GPC5: variants seen among roughly 807,000 people sequenced by gnomAD.
The protein encoded by GPC5 is glypican-5.
In GPC5, 47 loss-of-function variants were observed where a neutral mutation model predicts 53.9. The observed-to-expected ratio is 0.87, with a 90% CI of 0.69 to 1.11. GPC5 has a LOEUF of 1.11. GPC5 is among the 50% of genes most tolerant of loss of function. The pLI is 0.00. For missense variants in GPC5, 748 were observed against 713.1 expected (o/e 1.05, Z -0.56); for synonymous variants, 286 against 263.3 (o/e 1.09, Z -0.84).
intron 7 of GPC5, among the ~76,000 whole-genome samples, chr13:92,804,495 A>G (rs1047910394): frequency 6.6e-6 from 1 of 152,056 alleles, no homozygotes; most frequent in Non-Finnish European, 1.5e-5. Context: ...TGTCTAAAAA[A>G]CAATGCATAC....
At chr13:91,970,437 C>G (rs941657430) in intron 6 of GPC5, among the ~76,000 whole-genome samples, 3 of 151,754 alleles carry the variant, frequency 2.0e-5, no homozygotes, top group African/African-American at 7.3e-5. Flanking sequence ...ATTGCCCCCC[C>G]CTCACACATA....
chr13:91,726,387 G>A (rs1451019499), intron 3 of GPC5, among the ~76,000 whole-genome samples: 1 of 152,176 alleles, frequency 6.6e-6, no homozygotes, highest in Non-Finnish European at 1.5e-5. Context: ...GCGGCCTCAT[G>A]CATTTGCTAA....
intron 7 of GPC5, among the ~76,000 whole-genome samples, chr13:92,527,064 A>C (rs1272757796): frequency 6.8e-6 from 1 of 147,532 alleles, no homozygotes; most frequent in Non-Finnish European, 1.5e-5. Context: ...AAATATTTAA[A>C]CCTAAAGATC....
At chr13:92,606,853 T>C (rs976649705) in intron 7 of GPC5, among the ~76,000 whole-genome samples, 1 of 152,168 alleles carries the variant, frequency 6.6e-6, no homozygotes, top group Non-Finnish European at 1.5e-5. Flanking sequence ...CTAAGTCTGG[T>C]AGTACGGTAC....
intron 7 of GPC5, among the ~76,000 whole-genome samples, chr13:92,168,683 C>T (rs2042048502): frequency 6.6e-6 from 1 of 152,064 alleles, no homozygotes; most frequent in Non-Finnish European, 1.5e-5. Flanking sequence ...CAAGAAACAA[C>T]AGATGCTGGC....
intron 5 of GPC5, among the ~76,000 whole-genome samples, chr13:91,835,746 T>C (rs117928338): frequency 0.046 from 6,663 of 145,060 alleles, 173 homozygotes; most frequent in Middle Eastern, 0.066. Context: ...GGTTGGGGGG[T>C]GAGGGGAGGG....
At chr13:91,465,864 G>A (rs972819525) in intron 2 of GPC5, among the ~76,000 whole-genome samples, 42 of 152,164 alleles carry the variant, frequency 2.8e-4, no homozygotes, top group African/African-American at 1.0e-3. Context: ...GTCCATTCTA[G>A]TAGAAAGCAT....
intron 2 of GPC5, among the ~76,000 whole-genome samples, chr13:91,612,336 G>C (rs2033577601): frequency 2.0e-5 from 3 of 152,040 alleles, no homozygotes. Context: ...TCAGTGGTTG[G>C]GCAATGTTGC....
At chr13:91,974,041 G>T (rs1366716510) in intron 6 of GPC5, among the ~76,000 whole-genome samples, 1 of 152,152 alleles carries the variant, frequency 6.6e-6, no homozygotes, top group African/African-American at 2.4e-5. Context: ...GTCTGCAGAG[G>T]TTACTGCTGT....
At chr13:92,082,439 C>T (rs1231009782) in intron 6 of GPC5, among the ~76,000 whole-genome samples, 2 of 152,072 alleles carry the variant, frequency 1.3e-5, no homozygotes, top group Non-Finnish European at 2.9e-5. Flanking sequence ...GGAGTGACAG[C>T]CTTCAAGTGA....
chr13:92,799,040 T>A (rs1876805673), intron 7 of GPC5, among the ~76,000 whole-genome samples: 1 of 151,788 alleles, frequency 6.6e-6, no homozygotes, highest in Non-Finnish European at 1.5e-5. Flanking sequence ...TTCTTAGCAA[T>A]CTGTTTGAAT....
At chr13:91,562,804 C>G (rs543344816) in intron 2 of GPC5, among the ~76,000 whole-genome samples, 5 of 151,708 alleles carry the variant, frequency 3.3e-5, no homozygotes, top group African/African-American at 1.2e-4. Context: ...TAAAAATAAC[C>G]CAGAAACTTT....
chr13:92,329,011 T>A (rs1223524131), intron 7 of GPC5, among the ~76,000 whole-genome samples: 1 of 152,128 alleles, frequency 6.6e-6, no homozygotes, highest in Non-Finnish European at 1.5e-5. Flanking sequence ...CTCTACTGGC[T>A]TATGCCACAA....
intron 7 of GPC5, among the ~76,000 whole-genome samples, chr13:92,523,274 C>CA (rs1381344262): frequency 2.6e-5 from 4 of 152,020 alleles, no homozygotes; most frequent in African/African-American, 9.7e-5. Flanking sequence ...CAACAACAAA[C>CA]AAGTGTTCCA....
chr13:91,439,886 A>C (rs568116053), intron 1 of GPC5, among the ~76,000 whole-genome samples: 14 of 152,330 alleles, frequency 9.2e-5, no homozygotes, highest in South Asian at 8.3e-4. Context: ...AATAAAATCA[A>C]GTTACTCCTG....
intron 7 of GPC5, among the ~76,000 whole-genome samples, chr13:92,554,385 A>G (rs1463586369): frequency 6.6e-6 from 1 of 151,846 alleles, no homozygotes; most frequent in Non-Finnish European, 1.5e-5. Context: ...TAGAAAACCT[A>G]ATGGTGAAAA....
At chr13:92,534,663 A>C (rs2138992582) in intron 7 of GPC5, among the ~76,000 whole-genome samples, 1 of 152,334 alleles carries the variant, frequency 6.6e-6, no homozygotes, top group East Asian at 1.9e-4. Flanking sequence ...ATGGAAAAAT[A>C]TAAGATTGTG....
At chr13:92,091,780 AC>A (rs1398642904) in intron 6 of GPC5, among the ~76,000 whole-genome samples, 16 of 150,460 alleles carry the variant, frequency 1.1e-4, no homozygotes, top group South Asian at 8.4e-4. Flanking sequence ...AAAAAAAAAA[AC>A]AATGTGAAAG....
chr13:91,475,171 C>G (rs1882859363), intron 2 of GPC5, among the ~76,000 whole-genome samples: 1 of 152,164 alleles, frequency 6.6e-6, no homozygotes, highest in African/African-American at 2.4e-5. Flanking sequence ...GTTTTTTATT[C>G]TATCCTTCTC....
Sources: gnomAD v4.1 joint callset for allele counts (sites outside exome capture counted in the v4.1 genomes callset) on GRCh38, gnomAD v4.1.1 for gene constraint, MANE v1.5 for transcripts, NCBI Gene and HGNC (gene_info 2026-07-23, HGNC 2026-07-21) for gene names.